BICC1: variants seen among roughly 807,000 people sequenced by gnomAD.
BICC1 encodes protein bicaudal C homolog 1.
In BICC1, 43 loss-of-function variants were observed where a neutral mutation model predicts 111.0. That is an observed-to-expected ratio of 0.39 (90% CI 0.30 to 0.50). The LOEUF (loss-of-function observed/expected upper bound fraction) is 0.50. Ranked by LOEUF, BICC1 falls within the 20% of genes least tolerant of loss-of-function variation. BICC1 has a pLI of 0.88. For synonymous variants in BICC1, 467 were observed against 434.4 expected, an observed-to-expected ratio of 1.07 and a Z score of -0.93; for missense variants, 1,091 against 1,203.2, an observed-to-expected ratio of 0.91 and a Z score of 1.38.
chr10:58,797,288 G>A (rs897228600), intron 10 of BICC1, among the ~76,000 whole-genome samples: 12 of 152,118 alleles, frequency 7.9e-5, no homozygotes, highest in Admixed American at 7.2e-4. Context: ...GTCATTCAGT[G>A]TTGATTTGAG....
intron 19 of BICC1, 34 bp downstream of exon 19, chr10:58,817,756 T>C: frequency 8.9e-6 from 14 of 1,571,916 alleles, no homozygotes; most frequent in Non-Finnish European, 1.2e-5. Flanking sequence ...AGTATCTTTG[T>C]TTTGATTGTG....
At chr10:58,601,704 A>G (rs2132074904) in intron 1 of BICC1, among the ~76,000 whole-genome samples, 1 of 152,184 alleles carries the variant, frequency 6.6e-6, no homozygotes, top group Admixed American at 6.5e-5. Context: ...TTGTACAAAC[A>G]CTACATCATT....
At chr10:58,540,304 T>TA (rs34307091) in intron 1 of BICC1, among the ~76,000 whole-genome samples, 16 of 142,704 alleles carry the variant, frequency 1.1e-4, no homozygotes, top group African/African-American at 2.4e-4. Context: ...AGAAAAAGAG[T>TA]AAAAAAAAAA....
intron 3 of BICC1, among the ~76,000 whole-genome samples, chr10:58,776,822 C>A (rs980930556): frequency 2.0e-5 from 3 of 152,172 alleles, no homozygotes; most frequent in Non-Finnish European, 4.4e-5. Context: ...TCCTCCCCTT[C>A]CCAGAATCCT....
Position 58,828,751 on chromosome 10 carries a change from C to A in BICC1, c.2795-10C>A, listed in dbSNP as rs370099124. Reference sequence around the variant, plus strand: ...TTGAGCTCCTAACAATTCTCTCTTTCTCTCTCTAGAACTAAATAAAAACCG... The same window carrying A: ...TTGAGCTCCTAACAATTCTCTCTTTATCTCTCTAGAACTAAATAAAAACCG... On this transcript the variant is annotated splice_polypyrimidine_tract_variant and intron_variant, in intron 20 of 20. Coordinates refer to ENST00000373886, the MANE Select transcript of BICC1 (RefSeq NM_001080512.3). The A allele has an allele frequency of 1.2e-6, 2 of 1,612,362 alleles. No individual in the cohort carries two copies. The highest frequency in any genetic ancestry group is 2.2e-5 in the South Asian group (2 of 90,968).
intron 1 of BICC1, among the ~76,000 whole-genome samples, chr10:58,582,950 A>G (rs537380016): frequency 6.6e-6 from 1 of 152,270 alleles, no homozygotes; most frequent in South Asian, 2.1e-4. Context: ...CTCAACATGT[A>G]ACCTAACATA....
intron 1 of BICC1, among the ~76,000 whole-genome samples, chr10:58,616,796 C>T (rs564460335): frequency 2.0e-5 from 3 of 152,372 alleles, no homozygotes; most frequent in Non-Finnish European, 2.9e-5. Flanking sequence ...GGGAGGGCAA[C>T]AGTGGACTTT....
intron 2 of BICC1, among the ~76,000 whole-genome samples, chr10:58,646,709 A>G (rs1189281953): frequency 6.6e-6 from 1 of 152,174 alleles, no homozygotes; most frequent in African/African-American, 2.4e-5. Context: ...ATTTTAGGCC[A>G]TGGAGATTCT....
chr10:58,751,773 T>A (rs1210419137), intron 3 of BICC1, among the ~76,000 whole-genome samples: 1 of 152,194 alleles, frequency 6.6e-6, no homozygotes, highest in Non-Finnish European at 1.5e-5. Context: ...AAACTTTAAT[T>A]TAACTTCTTT....
chr10:58,678,664 C>G (rs1398388187), intron 2 of BICC1, among the ~76,000 whole-genome samples: 1 of 152,184 alleles, frequency 6.6e-6, no homozygotes, highest in African/African-American at 2.4e-5. Context: ...AGGACTTGAA[C>G]TCAGCTCTGG....
intron 3 of BICC1, among the ~76,000 whole-genome samples, chr10:58,780,895 G>C (rs987055088): frequency 6.6e-6 from 1 of 151,886 alleles, no homozygotes; most frequent in African/African-American, 2.4e-5. Flanking sequence ...GTGTCCTTAC[G>C]ACAATTGTTG....
In BICC1 at chr10:58,696,399, G is replaced by T. The variant is rs372912008; in HGVS notation, c.238-5675G>T. Among the ~76,000 whole-genome samples the T allele has an allele frequency of 9.2e-5, 14 of 152,040 alleles. No homozygotes were observed. The East Asian group carries it at 2.7e-3, about 29-fold the overall frequency. ...TAATTGTTTCATATATTTTAAAATT[G>T]ATATTCTTTGGGCAAGCCCTTTTTT... On this transcript the variant is annotated intron_variant, in intron 2 of 20. Transcript: ENST00000373886.
chr10:58,800,343 T>G lies in BICC1; in HGVS notation c.1858+17T>G. On this transcript the variant is annotated intron_variant, in intron 13 of 20. Transcript: ENST00000373886. ...CCACTGAAGGTCGGGAACTGTACCCTTCTGAAATTCATTTTGGTTGTTATT... is the reference window on the plus strand; with the variant it reads ...CCACTGAAGGTCGGGAACTGTACCCGTCTGAAATTCATTTTGGTTGTTATT... 1 of 1,607,142 alleles carries G rather than the reference T, an allele frequency of 6.2e-7. No individual in the cohort carries two copies. Among genetic ancestry groups the G allele is most frequent in the Non-Finnish European group, 8.5e-7 (1 of 1,176,344 alleles).
intron 2 of BICC1, among the ~76,000 whole-genome samples, chr10:58,695,796 A>G (rs1478131260): frequency 6.6e-6 from 1 of 152,218 alleles, no homozygotes; most frequent in Non-Finnish European, 1.5e-5. Flanking sequence ...CTCTTTCCAC[A>G]TGGTATACTA....
chr10:58,715,514 G>C (rs1840712172), intron 3 of BICC1: 2 of 1,213,866 alleles, frequency 1.6e-6, no homozygotes, highest in Non-Finnish European at 2.4e-6. Context: ...TCTCTGGCCT[G>C]GTTTCCCTCG....
intron 9 of BICC1, among the ~76,000 whole-genome samples, chr10:58,795,554 A>ATGAGAACTCC (rs1843326245): frequency 6.6e-6 from 1 of 152,148 alleles, no homozygotes; most frequent in South Asian, 2.1e-4. Flanking sequence ...TAGATTGTAA[A>ATGAGAACTCC]TGAGAACTCC....
intron 2 of BICC1, among the ~76,000 whole-genome samples, chr10:58,692,315 C>G (rs1736181390): frequency 6.6e-6 from 1 of 152,084 alleles, no homozygotes; most frequent in Non-Finnish European, 1.5e-5. Flanking sequence ...CTAAGCCTGC[C>G]TATAGTGTGG....
intron 2 of BICC1, among the ~76,000 whole-genome samples, chr10:58,637,637 C>T (rs1427551087): frequency 1.3e-5 from 2 of 152,210 alleles, no homozygotes; most frequent in African/African-American, 2.4e-5. Context: ...TTAACTTTCC[C>T]TTCTACATCT....
At chr10:58,780,120 G>A (rs989182548) in intron 3 of BICC1, among the ~76,000 whole-genome samples, 38 of 152,144 alleles carry the variant, frequency 2.5e-4, no homozygotes, top group Non-Finnish European at 4.1e-4. Flanking sequence ...TGTTTCAGAA[G>A]TAAAGCGCTT....
Sources: gnomAD v4.1 joint callset for allele counts (sites outside exome capture counted in the v4.1 genomes callset) on GRCh38, gnomAD v4.1.1 for gene constraint, MANE v1.5 for transcripts, NCBI Gene and HGNC (gene_info 2026-07-23, HGNC 2026-07-21) for gene names.